Variants in ACTN2 observed in about 807,000 individuals in gnomAD.
ACTN2 encodes alpha-actinin-2.
ACTN2 carries 39 observed loss-of-function variants against 113.8 expected under a neutral mutation model. The ratio of observed to expected loss-of-function variants is 0.34; its 90% CI spans 0.27 to 0.45. The LOEUF is 0.45. Ranked by LOEUF, ACTN2 falls within the 20% of genes least tolerant of loss-of-function variation. The pLI is 1.00. For missense variants in ACTN2, 992 were observed against 1,177.9 expected (o/e 0.84, Z 2.31); for synonymous variants, 429 against 444.1 (o/e 0.97, Z 0.43).
chr1:236,698,803 A>G (rs1372517483), intron 1 of ACTN2, among the ~76,000 whole-genome samples: 2 of 152,262 alleles, frequency 1.3e-5, no homozygotes, highest in Non-Finnish European at 2.9e-5. Flanking sequence ...AAGAAGACAG[A>G]GAAACAACTA....
chr1:236,694,380 G>A (rs12730785), intron 1 of ACTN2, among the ~76,000 whole-genome samples: 31 of 151,730 alleles, frequency 2.0e-4, no homozygotes, highest in African/African-American at 6.0e-4. Context: ...TTGCCACCAC[G>A]CCCGGCTAAT....
intron 4 of ACTN2, among the ~76,000 whole-genome samples, chr1:236,721,776 G>T (rs1014484875): frequency 2.6e-5 from 4 of 152,078 alleles, no homozygotes; most frequent in Non-Finnish European, 4.4e-5. Context: ...ACTGTTGCTG[G>T]TCTAGCAAAT....
rs1659693123 is a variant in ACTN2 at position 236,761,086 on chromosome 1, C to T, written c.2439C>T (p.Ser813=). The T allele has an allele frequency of 6.2e-7, 1 of 1,614,164 alleles. No individual in the cohort carries two copies. The highest frequency in any genetic ancestry group is 1.1e-5 in the South Asian group (1 of 91,076). Residue 813 remains serine, a synonymous_variant, in exon 20 of 21, where the codon TCC becomes TCT. Transcript: ENST00000366578. ...GGCAAGGCACCGTCACCTTCCAATCCTTCATCGACTTCATGACTAGAGAGA... is the reference window on the plus strand; with the variant it reads ...GGCAAGGCACCGTCACCTTCCAATCTTTCATCGACTTCATGACTAGAGAGA... ...PNGQGTVTFQ[S]FIDFMTRETA...
intron 1 of ACTN2, among the ~76,000 whole-genome samples, chr1:236,709,678 A>G (rs1657965891): frequency 6.6e-6 from 1 of 152,112 alleles, no homozygotes; most frequent in African/African-American, 2.4e-5. Flanking sequence ...AACGCTCAGC[A>G]GCACCCCAGA....
chr1:236,760,550 A>AC (rs1373515180), intron 19 of ACTN2, among the ~76,000 whole-genome samples: 1 of 152,216 alleles, frequency 6.6e-6, no homozygotes, highest in Non-Finnish European at 1.5e-5. Context: ...AGTATATCAG[A>AC]CACTTCTCTG....
intron 7 of ACTN2, among the ~76,000 whole-genome samples, 164 bp from the exon 8 acceptor site, chr1:236,735,471 T>C (rs1658840544): frequency 1.3e-5 from 2 of 152,186 alleles, no homozygotes; most frequent in Admixed American, 1.3e-4. Context: ...TTCGATACAA[T>C]ATGGCCTTCC....
At chr1:236,739,633 C>A in intron 10 of ACTN2, 101 bp downstream of exon 10, 1 of 1,364,340 alleles carries the variant, frequency 7.3e-7, no homozygotes, top group Non-Finnish European at 1.0e-6. Context: ...CTTCTTGAAT[C>A]TTTTTAGTTG....
chr1:236,744,841 G>T (rs1659180413), intron 12 of ACTN2, 65 bp downstream of exon 12: 4 of 1,608,236 alleles, frequency 2.5e-6, no homozygotes, highest in Non-Finnish European at 3.4e-6. Flanking sequence ...GGAGAGAAAG[G>T]CCTGCCTTGC....
chr1:236,754,420 A>G lies in ACTN2; in HGVS notation c.1974+339A>G. Among the ~76,000 whole-genome samples the G allele has an allele frequency of 6.6e-6, 1 of 152,170 alleles. No individual in the cohort carries two copies. Among genetic ancestry groups the G allele is most frequent in the African/African-American group, 2.4e-5 (1 of 41,442 alleles). Reference sequence around the variant, plus strand: ...CAAACCATCTATCCCTACAAGGAGGACACGTGAAGGCCCACAAATACTTTG... The same window carrying G: ...CAAACCATCTATCCCTACAAGGAGGGCACGTGAAGGCCCACAAATACTTTG... On this transcript the variant is annotated intron_variant, in intron 16 of 20. Coordinates refer to ENST00000366578, the MANE Select transcript of ACTN2 (RefSeq NM_001103.4). This position sits in a 1 kb window ranked among gnomAD's most constrained non-coding sequence, Gnocchi z 4.9.
chr1:236,761,335 G>A (rs1254086754), intron 20 of ACTN2, among the ~76,000 whole-genome samples, 162 bp downstream of exon 20: 5 of 152,184 alleles, frequency 3.3e-5, no homozygotes, highest in African/African-American at 7.2e-5. Flanking sequence ...CAACAATGGC[G>A]CGCCCAGCAC....
At position 236,761,046 on chromosome 1, in the gene ACTN2, T is replaced by C. The variant is rs1467172731; in HGVS notation, c.2399T>C (p.Leu800Pro). 1 of 1,614,216 alleles carries C rather than the reference T, an allele frequency of 6.2e-7. No individual in the cohort carries two copies. The highest frequency in any genetic ancestry group is 8.5e-7 in the Non-Finnish European group (1 of 1,180,038). ...GCCGAATTTGCCCGCATTATGACCC[T>C]GGTAGATCCCAACGGGCAAGGCACC... ...GEAEFARIMT[L>P]VDPNGQGTVT... The change falls in exon 20 of 21, where the codon CTG (leucine) becomes CCG (proline). Residue 800 changes from leucine to proline, a missense_variant. Leu to Pro is a moderately conservative substitution (Grantham distance 98). Coordinates refer to ENST00000366578, the MANE Select transcript of ACTN2 (RefSeq NM_001103.4).
At chr1:236,725,344 T>G (rs1378356464) in intron 4 of ACTN2, among the ~76,000 whole-genome samples, 1 of 152,126 alleles carries the variant, frequency 6.6e-6, no homozygotes, top group Non-Finnish European at 1.5e-5. Flanking sequence ...AAATTTATTT[T>G]CAGCTGGGCA....
intron 1 of ACTN2, among the ~76,000 whole-genome samples, chr1:236,692,730 C>T (rs890002389): frequency 2.0e-5 from 3 of 152,162 alleles, no homozygotes; most frequent in East Asian, 1.9e-4. Flanking sequence ...TGATGTGTCC[C>T]GGGGTTGCCC....
chr1:236,736,942 T>C lies in ACTN2; in HGVS notation c.784-180T>C, dbSNP rs1353359318. Reference sequence around the variant, plus strand: ...GTCTGTGTGAAAACTGTAACAAAGGTGTGAAATGATTCATAGTACGCATAA... The same window carrying C: ...GTCTGTGTGAAAACTGTAACAAAGGCGTGAAATGATTCATAGTACGCATAA... On this transcript the variant is annotated intron_variant, in intron 8 of 20. Coordinates refer to ENST00000366578, the MANE Select transcript of ACTN2 (RefSeq NM_001103.4). 2.0e-5 allele frequency: 13 copies of C among 637,590 alleles called. No homozygotes were observed. In the Admixed American group the frequency reaches 2.9e-4, roughly 14 times the overall value. The allele number at this position is 637,590 out of a possible 1,614,324, so 39.5% of individuals were successfully genotyped here.
chr1:236,729,694 TC>T (rs1165860073), intron 6 of ACTN2, among the ~76,000 whole-genome samples: 6 of 152,232 alleles, frequency 3.9e-5, no homozygotes, highest in African/African-American at 1.4e-4. Context: ...CGGAACTTTT[TC>T]CCAGCTTTTC....
chr1:236,697,760 CT>C (rs750251378), intron 1 of ACTN2, among the ~76,000 whole-genome samples: 1,462 of 124,994 alleles, frequency 0.012, 5 homozygotes, highest in Middle Eastern at 0.047. Context: ...GAAACAAGTT[CT>C]TTTTTTTTTT....
chr1:236,744,377 G>T (rs1243173775), intron 11 of ACTN2, among the ~76,000 whole-genome samples: 1 of 152,126 alleles, frequency 6.6e-6, no homozygotes, highest in Admixed American at 6.5e-5. Flanking sequence ...TTCTAAAAAC[G>T]CACTCAGCAT....
chr1:236,760,906 C>A (rs1558251928), intron 19 of ACTN2, 109 bp from the exon 20 acceptor site: 1 of 1,390,704 alleles, frequency 7.2e-7, no homozygotes, highest in Non-Finnish European at 1.0e-6. Flanking sequence ...GGTAATAATT[C>A]AGTTTTCAGA....
intron 1 of ACTN2, among the ~76,000 whole-genome samples, chr1:236,708,059 T>C (rs1281473461): frequency 6.6e-6 from 1 of 151,972 alleles, no homozygotes; most frequent in Admixed American, 6.6e-5. Context: ...AGAGATGAGC[T>C]GACTTGTCCA....
Sources: gnomAD v4.1 joint callset for allele counts (sites outside exome capture counted in the v4.1 genomes callset) on GRCh38, gnomAD v4.1.1 for gene constraint, Gnocchi (gnomAD v3.1) non-coding constraint, MANE v1.5 for transcripts, NCBI Gene and HGNC (gene_info 2026-07-23, HGNC 2026-07-21) for gene names.